TREM1: variants seen among roughly 807,000 people sequenced by gnomAD.
TREM1 encodes the protein triggering receptor expressed on monocytes 1.
A neutral mutation model predicts 22.4 loss-of-function variants in TREM1; 16 were observed. That is an observed-to-expected ratio of 0.71 (90% CI 0.48 to 1.08). TREM1 has a LOEUF of 1.08. TREM1 is among the 50% of genes least tolerant of loss of function. The pLI is 0.00. For synonymous variants in TREM1, 110 were observed against 111.6 expected (o/e 0.99, Z 0.09); for missense variants, 283 against 282.9 (o/e 1.00, Z 0.00).
chr6:41,272,327 C>T (rs1253329549), downstream of TREM1, among the ~76,000 whole-genome samples: 1 of 152,192 alleles, frequency 6.6e-6, no homozygotes, highest in Non-Finnish European at 1.5e-5. Flanking sequence ...CCACCAACCT[C>T]CTCATCACTG....
intron 3 of TREM1, chr6:41,280,652 A>T (rs748646723): frequency 1.4e-6 from 2 of 1,390,350 alleles, no homozygotes; most frequent in Non-Finnish European, 9.3e-7. Flanking sequence ...CCCACTGCCC[A>T]TCAGGCCCCT....
At chr6:41,278,276 G>A (rs901625612) in intron 3 of TREM1, among the ~76,000 whole-genome samples, 1 of 152,066 alleles carries the variant, frequency 6.6e-6, no homozygotes, top group African/African-American at 2.4e-5. Flanking sequence ...AAACTACCTA[G>A]AGATAGGGTG....
At position 41,282,295 on chromosome 6, in the gene TREM1, C is replaced by T. The variant is rs187573884; in HGVS notation, c.406+100G>A. On this transcript the variant is annotated intron_variant, in intron 2 of 3. Transcript: ENST00000244709. ...AGATAAAGAGGTCCTGGGAGGAAGA[C>T]AGACTGCTGGGAATCCTGAACCCCA... The T allele has an allele frequency of 3.2e-6, 3 of 928,826 alleles. No homozygotes were observed. The Admixed American group carries it at 6.7e-5, about 21-fold the overall frequency. The allele number at this position is 928,826 out of a possible 1,614,324, so 57.5% of individuals were successfully genotyped here. A position where few individuals can be genotyped will look rare whatever the true frequency, so the allele number is the denominator to read the frequency against.
chr6:41,286,305 A>G (rs766288446), intron 1 of TREM1, among the ~76,000 whole-genome samples: 4 of 152,234 alleles, frequency 2.6e-5, no homozygotes, highest in Non-Finnish European at 2.9e-5. Context: ...TCAACATCAA[A>G]TAAACTTATT....
downstream of TREM1, among the ~76,000 whole-genome samples, chr6:41,267,406 A>G (rs186648843): frequency 1.3e-5 from 2 of 152,242 alleles, no homozygotes; most frequent in Admixed American, 1.3e-4. Flanking sequence ...TTTCAGTTTA[A>G]TTGCAGATTT....
chr6:41,277,700 A>G (rs1044886617), intron 3 of TREM1, among the ~76,000 whole-genome samples: 3 of 152,060 alleles, frequency 2.0e-5, no homozygotes, highest in Non-Finnish European at 4.4e-5. Flanking sequence ...CCTTGGTTAG[A>G]GCTGCCCTTG....
rs1290161851 is a variant in TREM1, at chr6:41,274,381, C to A, written c.*1744G>T. Among the ~76,000 whole-genome samples, 1 of 152,106 alleles carries A rather than the reference C, an allele frequency of 6.6e-6. No homozygotes were observed. Among genetic ancestry groups the A allele is most frequent in the Non-Finnish European group, 1.5e-5 (1 of 68,026 alleles). The stretch of plus-strand genomic sequence containing the variant: ...CATTGCCCTCATGTGTTCTGCCTCT[C>A]CTAGAGTGTATTTAATGATAATACC... On this transcript the variant is annotated 3_prime_UTR_variant, in exon 4 of 4. Coordinates refer to ENST00000244709, the MANE Select transcript of TREM1 (RefSeq NM_018643.5).
At chr6:41,271,450 C>T (rs972835110), downstream of TREM1, among the ~76,000 whole-genome samples, 2 of 152,204 alleles carry the variant, frequency 1.3e-5, no homozygotes, top group African/African-American at 4.8e-5. Context: ...TCTTCTTCTC[C>T]ACATTCCCTT....
downstream of TREM1, among the ~76,000 whole-genome samples, chr6:41,272,773 T>C (rs1767519775): frequency 6.6e-6 from 1 of 152,056 alleles, no homozygotes; most frequent in African/African-American, 2.4e-5. Flanking sequence ...GAGACCCCAG[T>C]TATAACAGTA....
rs1454961528 is a variant in TREM1 at position 41,276,181 on chromosome 6, T to C, written c.649A>G (p.Lys217Glu). 3.1e-6 allele frequency: 5 copies of C among 1,614,146 alleles called. No homozygotes were observed. The highest frequency in any genetic ancestry group is 4.2e-6 in the Non-Finnish European group (5 of 1,180,030). The change falls in exon 4 of 4, where the codon AAG becomes GAG. Residue 217 changes from lysine (K) to glutamate (E), a missense_variant. By Grantham distance (56) the Lys-to-Glu change is moderately conservative (BLOSUM62 1). Coordinates refer to ENST00000244709, the MANE Select transcript of TREM1 (RefSeq NM_018643.5). The part of the protein sequence containing the change: ...VILLAGGFLS[K>E]SLVFSVLFAV... ...AACAGGACAGAGAAGACCAGGCTCT[T>C]ACTCAGGAATCCACCAGCCAGGAGA...
In TREM1 at chr6:41,281,017, G is replaced by C; in HGVS notation, c.543C>G (p.Ala181=). The change falls in exon 3 of 4, where the codon GCC becomes GCG. Residue 181 remains alanine, a synonymous_variant. Transcript: ENST00000244709. ...TVTQAPPKST[A]DVSTPDSEIN... ...TTTCAGAGTCAGGAGTGGAGACATC[G>C]GCAGTTGACTTGGGTGGAGCTTGGG... The C allele has an allele frequency of 2.5e-6, 4 of 1,614,224 alleles. No individual in the cohort carries two copies. The South Asian group carries it at 3.3e-5, about 13-fold the overall frequency.
chr6:41,272,635 A>C (rs980477582), downstream of TREM1, among the ~76,000 whole-genome samples: 3 of 151,862 alleles, frequency 2.0e-5, no homozygotes, highest in Non-Finnish European at 2.9e-5. Context: ...AAGGAGTCCA[A>C]GTTGACCATG....
chr6:41,284,586 C>T (rs1455394517), intron 1 of TREM1, among the ~76,000 whole-genome samples: 2 of 152,158 alleles, frequency 1.3e-5, no homozygotes. Flanking sequence ...CCCCATGGAG[C>T]ACCAAATAAC....
At chr6:41,286,073 A>G (rs1379841928) in intron 1 of TREM1, among the ~76,000 whole-genome samples, 1 of 152,200 alleles carries the variant, frequency 6.6e-6, no homozygotes, top group Admixed American at 6.5e-5. Context: ...GCTGAGCCTC[A>G]GCAACTGTGC....
intron 1 of TREM1, among the ~76,000 whole-genome samples, chr6:41,286,087 C>T (rs888014559): frequency 3.3e-5 from 5 of 152,192 alleles, no homozygotes; most frequent in Non-Finnish European, 7.3e-5. Context: ...ACTGTGCCCT[C>T]CAACCCCAGC....
intron 3 of TREM1, among the ~76,000 whole-genome samples, chr6:41,277,377 G>A (rs534714931): frequency 4.6e-5 from 7 of 152,204 alleles, no homozygotes; most frequent in Admixed American, 2.0e-4. Context: ...GGATGGGGCA[G>A]AGAGACAGGC....
intron 3 of TREM1, among the ~76,000 whole-genome samples, chr6:41,268,460 A>G (rs1178967219): frequency 6.6e-6 from 1 of 152,238 alleles, no homozygotes; most frequent in African/African-American, 2.4e-5. Flanking sequence ...CAGAACTCCA[A>G]TGATGGATTC....
chr6:41,280,265 A>G (rs1170680822), intron 3 of TREM1: 1 of 979,822 alleles, frequency 1.0e-6, no homozygotes. Flanking sequence ...TCAACATTTA[A>G]TAACTGTAAA....
chr6:41,279,398 GATT>G (rs370835406), intron 3 of TREM1: 3 of 396,836 alleles, frequency 7.6e-6, no homozygotes, highest in African/African-American at 6.6e-5. Flanking sequence ...CCAATACTTT[GATT>G]AAAAGGCCCA....
Sources: gnomAD v4.1 joint callset for allele counts (sites outside exome capture counted in the v4.1 genomes callset) on GRCh38, gnomAD v4.1.1 for gene constraint, MANE v1.5 for transcripts, NCBI Gene and HGNC (gene_info 2026-07-23, HGNC 2026-07-21) for gene names.